The following MTRR variants were observed in gnomAD, a reference collection of about 807,000 sequenced individuals.
The protein encoded by MTRR is 5-methyltetrahydrofolate-homocysteine methyltransferase reductase.
MTRR carries 63 observed loss-of-function variants against 79.2 expected under a neutral mutation model. That is an observed-to-expected ratio of 0.80 (90% CI 0.65 to 0.98). MTRR has a LOEUF of 0.98. Among genes scored for constraint, MTRR ranks in the 50% least tolerant of loss-of-function variants. The pLI is 0.00. For missense variants in MTRR, 895 were observed against 839.6 expected (o/e 1.07, Z -0.82); for synonymous variants, 355 against 313.3 (o/e 1.13, Z -1.41).
chr5:7,851,073 A>G (rs1746066492), upstream of MTRR: 2 of 1,234,828 alleles, frequency 1.6e-6, no homozygotes, highest in Admixed American at 4.2e-5. Flanking sequence ...CCGCCCGCCC[A>G]GGGGCCCAGT....
chr5:7,873,901 A>G (rs1032542784), intron 3 of MTRR, among the ~76,000 whole-genome samples: 2 of 152,182 alleles, frequency 1.3e-5, no homozygotes, highest in Admixed American at 6.5e-5. Flanking sequence ...AACACTCCCA[A>G]TGATTTTGAT....
At chr5:7,857,597 C>T (rs1163115289) in intron 1 of MTRR, among the ~76,000 whole-genome samples, 1 of 152,238 alleles carries the variant, frequency 6.6e-6, no homozygotes, top group African/African-American at 2.4e-5. Context: ...GAGGCTCTCT[C>T]TCACTGCCCA....
chr5:7,890,704 A>G (rs574168399), intron 9 of MTRR, among the ~76,000 whole-genome samples: 50 of 152,306 alleles, frequency 3.3e-4, no homozygotes, highest in African/African-American at 8.7e-4. Context: ...CATATTTTCA[A>G]TTAAGTAACT....
At chr5:7,870,337 C>A in intron 1 of MTRR, 2 of 181,026 alleles carry the variant, frequency 1.1e-5, no homozygotes, top group South Asian at 1.2e-4. Flanking sequence ...AAGAGGAAAC[C>A]AAAAGCTATT....
At chr5:7,851,087 A>T (rs1746066928), upstream of MTRR, 3 of 1,233,128 alleles carry the variant, frequency 2.4e-6, no homozygotes, top group South Asian at 1.2e-4. Context: ...GCCCAGTCGG[A>T]GTCTGCAGGC....
chr5:7,870,959 C>T (rs2126646455), intron 2 of MTRR, 36 bp downstream of exon 2: 1 of 1,613,762 alleles, frequency 6.2e-7, no homozygotes, highest in East Asian at 2.2e-5. Flanking sequence ...CCGTTTTGTG[C>T]TTTGAAGAAT....
intron 2 of MTRR, among the ~76,000 whole-genome samples, chr5:7,871,491 G>T (rs1424421964): frequency 6.6e-6 from 1 of 152,138 alleles, no homozygotes; most frequent in Non-Finnish European, 1.5e-5. Flanking sequence ...CTTTTATTTA[G>T]TTTGCTGCCT....
At chr5:7,881,840 A>G (rs1735649785) in intron 5 of MTRR, among the ~76,000 whole-genome samples, 1 of 152,012 alleles carries the variant, frequency 6.6e-6, no homozygotes, top group South Asian at 2.1e-4. Flanking sequence ...CTAGTTCTCA[A>G]GCACCTGATG....
At chr5:7,860,014 G>T (rs1746418056) in intron 1 of MTRR, among the ~76,000 whole-genome samples, 1 of 152,162 alleles carries the variant, frequency 6.6e-6, no homozygotes, top group Non-Finnish European at 1.5e-5. Context: ...CGCAGCAAAG[G>T]AGAGAGTCTG....
At chr5:7,894,648 A>G (rs754770855) in intron 11 of MTRR, among the ~76,000 whole-genome samples, 5 of 152,190 alleles carry the variant, frequency 3.3e-5, no homozygotes, top group Non-Finnish European at 5.9e-5. Context: ...CTTCTTTGAC[A>G]TTGGTGTTTG....
rs777405999 is a variant in MTRR at position 7,870,758 on chromosome 5, C to T, written c.-25-12C>T. ...TCATTAAAAAGAGGATCTTTTTTCC[C>T]CCATTTTTCAGTTTCACTGTTACAT... On this transcript the variant is annotated splice_polypyrimidine_tract_variant and intron_variant, in intron 1 of 14. Coordinates refer to ENST00000440940, the MANE Select transcript of MTRR (RefSeq NM_002454.3). The T allele has an allele frequency of 3.7e-6, 6 of 1,613,926 alleles. No homozygotes were observed. In the Admixed American group the frequency reaches 8.3e-5, roughly 22 times the overall value.
At chr5:7,860,602 T>C (rs924056519) in intron 1 of MTRR, among the ~76,000 whole-genome samples, 1 of 152,214 alleles carries the variant, frequency 6.6e-6, no homozygotes, top group African/African-American at 2.4e-5. Flanking sequence ...ATTAACAACG[T>C]TGGGATTTAA....
At chr5:7,881,062 C>T (rs1292221107) in intron 5 of MTRR, among the ~76,000 whole-genome samples, 2 of 152,150 alleles carry the variant, frequency 1.3e-5, no homozygotes, top group Non-Finnish European at 2.9e-5. Flanking sequence ...GGAAACAGGG[C>T]AAAGGATCGT....
chr5:7,857,590 G>A (rs1474518894), intron 1 of MTRR, among the ~76,000 whole-genome samples: 1 of 152,154 alleles, frequency 6.6e-6, no homozygotes, highest in Non-Finnish European at 1.5e-5. Flanking sequence ...TCACTCTGAG[G>A]CTCTCTCTCA....
chr5:7,858,775 T>G (rs2126583986), intron 1 of MTRR, among the ~76,000 whole-genome samples: 1 of 152,066 alleles, frequency 6.6e-6, no homozygotes, highest in African/African-American at 2.4e-5. Context: ...CTTGAAACTG[T>G]AACCTGACTG....
In MTRR at chr5:7,895,762, C is replaced by A. The variant is rs1738400764; in HGVS notation, c.1586C>A (p.Ser529Tyr). 2 of 1,614,092 alleles carry A rather than the reference C, an allele frequency of 1.2e-6. No individual in the cohort carries two copies. The highest frequency in any genetic ancestry group is 4.5e-5 in the East Asian group (2 of 44,864). Residue 529 changes from serine (S) to tyrosine (Y), a missense_variant, in exon 12 of 15, where the codon TCT becomes TAT. Physicochemically the swap from Ser to Tyr is moderately radical, Grantham distance 144. Coordinates refer to ENST00000440940, the MANE Select transcript of MTRR (RefSeq NM_002454.3). ...TCCATCTCTCCTCGAACAACAAATT[C>A]TTTCCACTTACCAGATGACCCCTCA... ...KISISPRTTN[S>Y]FHLPDDPSIP...
rs1050651991 is a variant in MTRR, at chr5:7,900,126, G to A, written c.*68G>A. ...AGTACTAAAAGTCAGCTTTACTAGT[G>A]CCAAACCTTTAAATTTTCAAAAGAA... is the stretch of plus-strand genomic sequence containing the variant. On this transcript the variant is annotated 3_prime_UTR_variant, in exon 15 of 15. Coordinates refer to ENST00000440940, the MANE Select transcript of MTRR (RefSeq NM_002454.3). 1.3e-6 allele frequency: 2 copies of A among 1,560,180 alleles called. No homozygotes were observed. The highest frequency in any genetic ancestry group is 1.4e-5 in the African/African-American group (1 of 72,226).
chr5:7,867,789 TCTC>T, upstream of MTRR: 2 of 1,614,198 alleles, frequency 1.2e-6, no homozygotes, highest in Non-Finnish European at 1.7e-6. Flanking sequence ...AACATCTGAC[TCTC>T]CTCATTTTTA....
intron 2 of MTRR, among the ~76,000 whole-genome samples, chr5:7,862,518 A>G (rs549079065): frequency 6.6e-6 from 1 of 152,244 alleles, no homozygotes; most frequent in African/African-American, 2.4e-5. Context: ...TCCAGGTACT[A>G]TTTTATTTAG....
Sources: gnomAD v4.1 joint callset for allele counts (sites outside exome capture counted in the v4.1 genomes callset) on GRCh38, gnomAD v4.1.1 for gene constraint, MANE v1.5 for transcripts, NCBI Gene and HGNC (gene_info 2026-07-23, HGNC 2026-07-21) for gene names.